CDKL3: variants seen among roughly 807,000 people sequenced by gnomAD.
CDKL3 encodes the protein cyclin-dependent kinase-like 3.
CDKL3 carries 65 observed loss-of-function variants against 69.3 expected under a neutral mutation model. The ratio of observed to expected loss-of-function variants is 0.94; its 90% CI spans 0.77 to 1.15. CDKL3 has a LOEUF of 1.15. Among genes scored for constraint, CDKL3 ranks in the 50% most tolerant of loss-of-function variants. CDKL3 has a pLI of 0.00. For synonymous variants in CDKL3, 202 were observed against 221.6 expected, an observed-to-expected ratio of 0.91 and a Z score of 0.79; for missense variants, 652 against 689.2, an observed-to-expected ratio of 0.95 and a Z score of 0.61.
chr5:134,370,386 T>C (rs1758240191), upstream of CDKL3, among the ~76,000 whole-genome samples: 2 of 152,236 alleles, frequency 1.3e-5, no homozygotes, highest in African/African-American at 4.8e-5. Context: ...TGCACCTTTC[T>C]TGCTAGTGTA....
chr5:134,331,625 A>G (rs1483925104), intron 4 of CDKL3, among the ~76,000 whole-genome samples: 1 of 152,206 alleles, frequency 6.6e-6, no homozygotes, highest in Non-Finnish European at 1.5e-5. Flanking sequence ...TGCAAAGGAC[A>G]TGAACTCGTC....
chr5:134,322,303 C>T (rs1242976428), intron 4 of CDKL3, among the ~76,000 whole-genome samples: 6 of 152,036 alleles, frequency 3.9e-5, no homozygotes, highest in African/African-American at 1.2e-4. Flanking sequence ...TGAGCCACCA[C>T]GCCTGGCCCA....
At chr5:134,362,330 A>G (rs1181101829) in intron 2 of CDKL3, among the ~76,000 whole-genome samples, 1 of 152,102 alleles carries the variant, frequency 6.6e-6, no homozygotes, top group Non-Finnish European at 1.5e-5. Flanking sequence ...GATCAGCCTG[A>G]CCAACATGGA....
chr5:134,294,547 A>T (rs1765263902), downstream of CDKL3, among the ~76,000 whole-genome samples: 1 of 152,186 alleles, frequency 6.6e-6, no homozygotes, highest in African/African-American at 2.4e-5. Context: ...ACTGGAAAAG[A>T]AGAAGCGAAA....
intron 7 of CDKL3, among the ~76,000 whole-genome samples, chr5:134,310,847 A>G (rs1004945053): frequency 2.6e-5 from 4 of 152,182 alleles, no homozygotes; most frequent in Non-Finnish European, 5.9e-5. Context: ...TGAAATGCGC[A>G]AAGTTCTAGT....
chr5:134,325,851 C>T (rs949397687), intron 4 of CDKL3, among the ~76,000 whole-genome samples: 58 of 151,490 alleles, frequency 3.8e-4, no homozygotes, highest in Non-Finnish European at 6.9e-4. Flanking sequence ...GGAGGCTTGG[C>T]CTCCCAGGTT....
intron 6 of CDKL3, among the ~76,000 whole-genome samples, chr5:134,318,629 G>T (rs1400749645): frequency 6.6e-6 from 1 of 152,000 alleles, no homozygotes; most frequent in Non-Finnish European, 1.5e-5. Context: ...GGGACTACCA[G>T]CACGTGCCAC....
intron 2 of CDKL3, among the ~76,000 whole-genome samples, chr5:134,365,670 C>T (rs1380287968): frequency 1.3e-5 from 2 of 152,184 alleles, no homozygotes; most frequent in African/African-American, 4.8e-5. Flanking sequence ...GTTTTGACTC[C>T]TTAGCCTAAA....
downstream of CDKL3, among the ~76,000 whole-genome samples, chr5:134,293,755 G>A (rs531199051): frequency 6.6e-6 from 1 of 152,124 alleles, no homozygotes; most frequent in Admixed American, 6.5e-5. Context: ...AGCTATGATT[G>A]TGCCACTGCA....
At chr5:134,301,957 C>T (rs1031552164) in intron 12 of CDKL3, among the ~76,000 whole-genome samples, 2 of 152,134 alleles carry the variant, frequency 1.3e-5, no homozygotes, top group Non-Finnish European at 2.9e-5. Flanking sequence ...GAGATGACCT[C>T]ACAAGTGTAG....
chr5:134,314,755 T>G (rs1770551336), intron 6 of CDKL3, among the ~76,000 whole-genome samples: 1 of 152,100 alleles, frequency 6.6e-6, no homozygotes, highest in African/African-American at 2.4e-5. Context: ...AAATTCAAAC[T>G]AATCTATGGG....
At chr5:134,362,506 T>C (rs1281845864) in intron 2 of CDKL3, among the ~76,000 whole-genome samples, 2 of 150,216 alleles carry the variant, frequency 1.3e-5, no homozygotes, top group African/African-American at 4.9e-5. Flanking sequence ...GCAACAAGAG[T>C]GAAACTCTGT....
intron 4 of CDKL3, among the ~76,000 whole-genome samples, chr5:134,324,445 A>AT (rs1773585477): frequency 6.6e-6 from 1 of 152,228 alleles, no homozygotes; most frequent in Non-Finnish European, 1.5e-5. Context: ...AGCAATAAAG[A>AT]TGTCCTTCAA....
At chr5:134,335,141 C>CT (rs374206722) in intron 4 of CDKL3, among the ~76,000 whole-genome samples, 8,061 of 135,930 alleles carry the variant, frequency 0.059, 232 homozygotes, top group Middle Eastern at 0.13. Flanking sequence ...TCAACCTCTG[C>CT]TTTTTTTTTT....
At chr5:134,286,752 T>G (rs576462948) in intron 8 of CDKL3, among the ~76,000 whole-genome samples, 1 of 152,210 alleles carries the variant, frequency 6.6e-6, no homozygotes, top group African/African-American at 2.4e-5. Context: ...TCATGAGACT[T>G]ACTATTATGA....
chr5:134,288,441 T>G (rs1409281851), intron 8 of CDKL3, among the ~76,000 whole-genome samples: 2 of 152,158 alleles, frequency 1.3e-5, no homozygotes, highest in African/African-American at 4.8e-5. Context: ...AATGCCATGT[T>G]TTTTCTTGTA....
At chr5:134,322,115 G>A (rs962722747) in intron 4 of CDKL3, among the ~76,000 whole-genome samples, 11 of 152,138 alleles carry the variant, frequency 7.2e-5, no homozygotes, top group Admixed American at 1.3e-4. Flanking sequence ...CCGGGTTCAA[G>A]CAATTCTCCT....
chr5:134,299,721 C>T (rs990317189), intron 12 of CDKL3: 1 of 1,534,712 alleles, frequency 6.5e-7, no homozygotes, highest in African/African-American at 1.4e-5. Context: ...GCAAGTTCTT[C>T]TTCCTTTCAG....
At chr5:134,301,052 A>G (rs1433401916) in intron 12 of CDKL3, among the ~76,000 whole-genome samples, 1 of 151,684 alleles carries the variant, frequency 6.6e-6, no homozygotes, top group East Asian at 1.9e-4. Context: ...CTGGAGTGCA[A>G]TGGTTTGATC....
Sources: gnomAD v4.1 joint callset for allele counts (sites outside exome capture counted in the v4.1 genomes callset) on GRCh38, gnomAD v4.1.1 for gene constraint, MANE v1.5 for transcripts, NCBI Gene and HGNC (gene_info 2026-07-23, HGNC 2026-07-21) for gene names.